The following RSRC1 variants were observed in gnomAD, a reference collection of about 807,000 sequenced individuals.
RSRC1 encodes serine/Arginine-related protein 53.
Under a neutral mutation model 49.1 loss-of-function variants are expected in RSRC1, and 39 were observed. That is an observed-to-expected ratio of 0.79 (90% CI 0.61 to 1.04). RSRC1 has a LOEUF of 1.04. RSRC1 is among the 50% of genes least tolerant of loss of function. The probability of loss-of-function intolerance (pLI) is 0.00; values close to 1 mark genes in which losing one functional copy is unlikely to be tolerated. For synonymous variants in RSRC1, 143 were observed against 130.8 expected (o/e 1.09, Z -0.63); for missense variants, 388 against 402.4 (o/e 0.96, Z 0.31).
At position 158,543,227 on chromosome 3, in the gene RSRC1, A is replaced by AT; in HGVS notation, c.760-107dup. On this transcript the variant is annotated intron_variant, in intron 8 of 9. Transcript: ENST00000611884. ...TAGGGCCTTTTTGGAGATGGGTATC[A>AT]TCTCAAAGGAGACTAATTGAACAGT... The AT allele has an allele frequency of 3.4e-6, 3 of 889,888 alleles. No individual in the cohort carries two copies. In the South Asian group the frequency reaches 1.4e-4, roughly 41 times the overall value. 55.1% of individuals were successfully genotyped at this position (889,888 alleles called of 1,614,324 possible). A position where few individuals can be genotyped will look rare whatever the true frequency, so the allele number is the denominator to read the frequency against.
intron 6 of RSRC1, among the ~76,000 whole-genome samples, chr3:158,407,498 A>C (rs1193836370): frequency 3.3e-5 from 5 of 152,184 alleles, no homozygotes; most frequent in Admixed American, 6.5e-5. Context: ...GACTCATAGA[A>C]CCTACCACTA....
chr3:158,438,684 A>C (rs894924432), intron 6 of RSRC1, among the ~76,000 whole-genome samples: 1 of 152,200 alleles, frequency 6.6e-6, no homozygotes, highest in Non-Finnish European at 1.5e-5. Context: ...TGGATTAAAG[A>C]CCTAAATGTT....
At chr3:158,532,428 T>A (rs1421895552) in intron 7 of RSRC1, among the ~76,000 whole-genome samples, 1 of 151,956 alleles carries the variant, frequency 6.6e-6, no homozygotes, top group Non-Finnish European at 1.5e-5. Flanking sequence ...GACCTTGTCA[T>A]CTTTATTTAC....
chr3:158,123,286 C>T (rs1462983455), intron 2 of RSRC1, among the ~76,000 whole-genome samples: 2 of 152,122 alleles, frequency 1.3e-5, no homozygotes, highest in African/African-American at 4.8e-5. Flanking sequence ...GGATTACAGG[C>T]GTGAGCCACC....
chr3:158,362,177 A>G (rs1381281080), intron 6 of RSRC1, among the ~76,000 whole-genome samples: 1 of 152,018 alleles, frequency 6.6e-6, no homozygotes, highest in Non-Finnish European at 1.5e-5. Flanking sequence ...TGTCTCTACA[A>G]AAAAATACAA....
At chr3:158,390,546 CTA>C (rs1733222377) in intron 6 of RSRC1, among the ~76,000 whole-genome samples, 1 of 152,144 alleles carries the variant, frequency 6.6e-6, no homozygotes, top group South Asian at 2.1e-4. Flanking sequence ...TTTGTAGTAA[CTA>C]TTTTATGGAG....
At chr3:158,425,566 T>G in intron 6 of RSRC1, among the ~76,000 whole-genome samples, 1 of 152,004 alleles carries the variant, frequency 6.6e-6, no homozygotes, top group African/African-American at 2.4e-5. Flanking sequence ...TCTGTTGATT[T>G]GGGATGGAGA....
chr3:158,392,553 T>C (rs1276980571), intron 6 of RSRC1, among the ~76,000 whole-genome samples: 1 of 151,850 alleles, frequency 6.6e-6, no homozygotes. Context: ...GAAATACCAA[T>C]TATAAACCAA....
chr3:158,515,892 G>T (rs899960882), intron 7 of RSRC1, among the ~76,000 whole-genome samples: 2 of 151,200 alleles, frequency 1.3e-5, no homozygotes, highest in Non-Finnish European at 2.9e-5. Flanking sequence ...TGATCACATC[G>T]GCTCCTGAGG....
intron 6 of RSRC1, among the ~76,000 whole-genome samples, chr3:158,442,820 A>T (rs1177757221): frequency 6.6e-6 from 1 of 152,064 alleles, no homozygotes; most frequent in African/African-American, 2.4e-5. Context: ...TGTATTTCTT[A>T]AACAGTAAGA....
intron 2 of RSRC1, 93 bp downstream of exon 2, chr3:158,122,391 T>A: frequency 1.0e-6 from 1 of 952,452 alleles, no homozygotes; most frequent in East Asian, 3.0e-5. Flanking sequence ...ATAAAACATT[T>A]TTCTTTTACT....
chr3:158,188,233 A>G (rs1720038716), intron 3 of RSRC1, among the ~76,000 whole-genome samples: 1 of 151,774 alleles, frequency 6.6e-6, no homozygotes, highest in African/African-American at 2.4e-5. Flanking sequence ...TCCAGTATAT[A>G]TTTCCCTGGT....
intron 3 of RSRC1, among the ~76,000 whole-genome samples, chr3:158,165,532 A>T (rs1331739543): frequency 6.6e-6 from 1 of 152,232 alleles, no homozygotes; most frequent in Non-Finnish European, 1.5e-5. Context: ...AAAAGCTTCA[A>T]CTACATGCTG....
intron 3 of RSRC1, among the ~76,000 whole-genome samples, chr3:158,151,747 T>C (rs944749592): frequency 6.6e-6 from 1 of 152,176 alleles, no homozygotes; most frequent in Non-Finnish European, 1.5e-5. Flanking sequence ...CTTTTAGGCA[T>C]GCAAAAAGTT....
At chr3:158,268,019 T>A (rs1725300648) in intron 4 of RSRC1, among the ~76,000 whole-genome samples, 2 of 152,178 alleles carry the variant, frequency 1.3e-5, no homozygotes, top group Admixed American at 1.3e-4. Flanking sequence ...ATTTCTGTAC[T>A]GTTAGGACTT....
chr3:158,136,903 T>C (rs142807650), intron 3 of RSRC1: 25 of 152,286 alleles, frequency 1.6e-4, no homozygotes, highest in African/African-American at 5.5e-4. Flanking sequence ...CACATATAAG[T>C]ACAAGAGGTT....
intron 4 of RSRC1, among the ~76,000 whole-genome samples, chr3:158,253,748 G>C (rs532430871): frequency 1.3e-5 from 2 of 151,992 alleles, no homozygotes; most frequent in East Asian, 3.9e-4. Context: ...TGTTCCATTG[G>C]TTGGTATATA....
chr3:158,390,667 A>T (rs541997922), intron 6 of RSRC1, among the ~76,000 whole-genome samples: 19 of 152,260 alleles, frequency 1.2e-4, no homozygotes, highest in African/African-American at 4.3e-4. Context: ...CAGATAAGGA[A>T]ACTAGGAAGT....
intron 6 of RSRC1, among the ~76,000 whole-genome samples, chr3:158,453,289 A>G (rs994384874): frequency 2.6e-5 from 4 of 151,454 alleles, no homozygotes; most frequent in Admixed American, 6.6e-5. Context: ...ACACATATCT[A>G]TAGAATAGGC....
Sources: gnomAD v4.1 joint callset for allele counts (sites outside exome capture counted in the v4.1 genomes callset) on GRCh38, gnomAD v4.1.1 for gene constraint, MANE v1.5 for transcripts, NCBI Gene and HGNC (gene_info 2026-07-23, HGNC 2026-07-21) for gene names.